The following SMURF1 variants were observed in gnomAD, a reference collection of about 807,000 sequenced individuals.
SMURF1 encodes the protein E3 ubiquitin-protein ligase SMURF1.
SMURF1 carries 44 observed loss-of-function variants against 98.0 expected under a neutral mutation model. The observed-to-expected ratio is 0.45, with a 90% CI of 0.35 to 0.58. SMURF1 has a LOEUF of 0.58. Ranked by LOEUF, SMURF1 falls within the 20% of genes least tolerant of loss-of-function variation. The probability of loss-of-function intolerance (pLI) is 0.00; values close to 1 mark genes in which losing one functional copy is unlikely to be tolerated. For missense variants in SMURF1, 687 were observed against 938.4 expected, an observed-to-expected ratio of 0.73 and a Z score of 3.50; for synonymous variants, 396 against 374.9, an observed-to-expected ratio of 1.06 and a Z score of -0.65.
intron 1 of SMURF1, among the ~76,000 whole-genome samples, chr7:99,107,160 T>C (rs1797211926): frequency 6.6e-6 from 1 of 152,166 alleles, no homozygotes; most frequent in Non-Finnish European, 1.5e-5. Flanking sequence ...GAAATTGAAA[T>C]CTACCCTCAT....
chr7:99,040,329 C>T (rs750757179), intron 13 of SMURF1, 49 bp downstream of exon 13: 24 of 1,418,590 alleles, frequency 1.7e-5, no homozygotes, highest in African/African-American at 5.9e-5. Context: ...ATACGATAGA[C>T]GTGGTGGTGG....
chr7:99,038,608 G>A, intron 13 of SMURF1, 83 bp from the exon 14 acceptor site: 2 of 1,515,682 alleles, frequency 1.3e-6, no homozygotes, highest in South Asian at 1.3e-5. Context: ...ATTTACGACT[G>A]CCAAACCCGG....
chr7:99,119,050 C>A (rs1563037137), intron 1 of SMURF1, among the ~76,000 whole-genome samples: 3 of 101,268 alleles, frequency 3.0e-5, no homozygotes, highest in Admixed American at 1.4e-4. Flanking sequence ...TTTTTAGAGA[C>A]AGGGTCTCGC....
chr7:99,143,716 C>G lies in SMURF1; in HGVS notation c.55+10G>C, dbSNP rs1289939947. 68 of 1,552,792 alleles carry G rather than the reference C, an allele frequency of 4.4e-5. No homozygotes were observed. Among genetic ancestry groups the G allele is most frequent in the Non-Finnish European group, 5.5e-5 (63 of 1,152,792 alleles). On this transcript the variant is annotated intron_variant, in intron 1 of 17. Transcript: ENST00000361368. ...CGCCGGGGCGCGGGTGGGCCTCCCG[C>G]CGGCCGTACCTGTCAGACGGATCTT...
At chr7:99,080,348 G>A (rs915221224) in intron 1 of SMURF1, among the ~76,000 whole-genome samples, 1 of 152,222 alleles carries the variant, frequency 6.6e-6, no homozygotes, top group Non-Finnish European at 1.5e-5. Context: ...TGCGGAGGCT[G>A]GAGTGCAGCG....
chr7:99,117,350 G>C (rs2395016), intron 1 of SMURF1, among the ~76,000 whole-genome samples: 18 of 152,030 alleles, frequency 1.2e-4, no homozygotes, highest in Admixed American at 1.2e-3. Context: ...GCTTTTTTTG[G>C]TTTTGTTTTT....
At chr7:99,099,110 G>A (rs1275766725) in intron 1 of SMURF1, among the ~76,000 whole-genome samples, 4 of 152,112 alleles carry the variant, frequency 2.6e-5, no homozygotes, top group South Asian at 2.1e-4. Flanking sequence ...TTTGGTTCAG[G>A]AACAAGAGGA....
intron 7 of SMURF1, among the ~76,000 whole-genome samples, chr7:99,051,891 G>C (rs544847908): frequency 6.6e-6 from 1 of 152,302 alleles, no homozygotes; most frequent in Non-Finnish European, 1.5e-5. Flanking sequence ...GCTCACACCT[G>C]TAATCCCAGC....
chr7:99,066,783 A>AG (rs1796204544), intron 1 of SMURF1, among the ~76,000 whole-genome samples: 1 of 145,344 alleles, frequency 6.9e-6, no homozygotes, highest in Non-Finnish European at 1.5e-5. Context: ...TGTCTCAAAA[A>AG]GAAAAAAAAA....
chr7:99,133,585 C>T (rs1032323196), intron 1 of SMURF1, among the ~76,000 whole-genome samples: 5 of 152,152 alleles, frequency 3.3e-5, no homozygotes, highest in Middle Eastern at 3.2e-3. Context: ...ATAACCACTT[C>T]GGAAAAGCAT....
At chr7:99,037,504 G>A (rs1028076644) in intron 14 of SMURF1, among the ~76,000 whole-genome samples, 2 of 152,214 alleles carry the variant, frequency 1.3e-5, no homozygotes, top group Non-Finnish European at 2.9e-5. Context: ...CTCCCAAAGT[G>A]TTGGGATTAC....
chr7:99,052,293 C>G lies in SMURF1; in HGVS notation c.633G>C (p.Arg211=), dbSNP rs778989948. Residue 211 remains arginine, a synonymous_variant, in exon 7 of 18, where the codon CGG becomes CGC. Transcript: ENST00000361368. ...PSQDQRLQAQ[R]LRNPDVRGSL... ...AACCTCGCACATCAGGGTTTCGAAGCCGCTGTGCCTGAAGTCTTTGATCTT... is the reference window on the plus strand; with the variant it reads ...AACCTCGCACATCAGGGTTTCGAAGGCGCTGTGCCTGAAGTCTTTGATCTT... 2 of 1,612,744 alleles carry G rather than the reference C, an allele frequency of 1.2e-6. No homozygotes were observed. The highest frequency in any genetic ancestry group is 1.7e-5 in the Admixed American group (1 of 59,858).
At chr7:99,105,205 A>T (rs1797169281) in intron 1 of SMURF1, among the ~76,000 whole-genome samples, 1 of 152,228 alleles carries the variant, frequency 6.6e-6, no homozygotes. Context: ...GTGAAACTAG[A>T]CAGCTACAAT....
intron 1 of SMURF1, among the ~76,000 whole-genome samples, chr7:99,065,518 G>A (rs1296312203): frequency 6.6e-6 from 1 of 152,064 alleles, no homozygotes; most frequent in Non-Finnish European, 1.5e-5. Context: ...GGATATAGAC[G>A]AGCTATTAGT....
At chr7:99,049,857 C>A in intron 8 of SMURF1, 148 bp from the exon 9 acceptor site, 1 of 693,580 alleles carries the variant, frequency 1.4e-6, no homozygotes, top group Non-Finnish European at 2.4e-6. Flanking sequence ...CTACTTACGC[C>A]AAACCTCTAC....
At position 99,095,063 on chromosome 7, in the gene SMURF1, GTTTAT is replaced by G. The variant is rs10525660; in HGVS notation, c.56-33231_56-33227del. On this transcript the variant is annotated intron_variant, in intron 1 of 17. Transcript: ENST00000361368. ...GCCAGGTTTCCATGTTGCTGTTTTT[GTTTAT>G]TTTATTTTATTTTATTTTATTTTAC... is the stretch of plus-strand genomic sequence containing the variant. 2.5e-3 allele frequency among the ~76,000 whole-genome samples: 373 copies of G among 149,652 alleles called. 5 individuals are homozygous for G. The East Asian group carries it at 0.063, about 25-fold the overall frequency.
At chr7:99,088,914 C>T (rs1796740145) in intron 1 of SMURF1, among the ~76,000 whole-genome samples, 1 of 151,834 alleles carries the variant, frequency 6.6e-6, no homozygotes, top group African/African-American at 2.4e-5. Context: ...AAAACACACA[C>T]ACAAAAAAAG....
intron 6 of SMURF1, 52 bp from the exon 7 acceptor site, chr7:99,052,498 G>A (rs1263639197): frequency 2.0e-6 from 3 of 1,466,626 alleles, no homozygotes; most frequent in Non-Finnish European, 2.7e-6. Flanking sequence ...GGAGTCACAA[G>A]ACCAGCGCCT....
chr7:99,030,858 T>G (rs796854372), intron 17 of SMURF1, 175 bp from the exon 18 acceptor site: 6 of 536,746 alleles, frequency 1.1e-5, no homozygotes, highest in African/African-American at 3.8e-5. Flanking sequence ...ATACAAAGAT[T>G]TGTAATTTGT....
Sources: gnomAD v4.1 joint callset for allele counts (sites outside exome capture counted in the v4.1 genomes callset) on GRCh38, gnomAD v4.1.1 for gene constraint, MANE v1.5 for transcripts, NCBI Gene and HGNC (gene_info 2026-07-23, HGNC 2026-07-21) for gene names.